Variants in EVA1A observed in about 807,000 individuals in gnomAD.
The protein encoded by EVA1A is eva-1 homolog A, regulator of programmed cell death.
Under a neutral mutation model 9.8 loss-of-function variants are expected in EVA1A, and 7 were observed. The ratio of observed to expected loss-of-function variants is 0.71; its 90% CI spans 0.41 to 1.34. The LOEUF is 1.34. EVA1A is among the 40% of genes most tolerant of loss of function. The pLI is 0.01. For synonymous variants in EVA1A, 90 were observed against 85.6 expected (o/e 1.05, Z -0.28); for missense variants, 206 against 205.9 (o/e 1.00, Z 0.00).
intron 3 of EVA1A, among the ~76,000 whole-genome samples, chr2:75,516,861 T>C (rs1675024243): frequency 6.6e-6 from 1 of 152,216 alleles, no homozygotes; most frequent in African/African-American, 2.4e-5. Context: ...TCTTGTGTCC[T>C]TTCTCTCCAA....
At chr2:75,521,106 A>G (rs1675214765) in intron 2 of EVA1A, among the ~76,000 whole-genome samples, 1 of 152,224 alleles carries the variant, frequency 6.6e-6, no homozygotes, top group South Asian at 2.1e-4. Context: ...ACATGAAAAG[A>G]TGCTCCACAT....
At chr2:75,512,918 T>G (rs1326429990) in intron 3 of EVA1A, among the ~76,000 whole-genome samples, 2 of 152,170 alleles carry the variant, frequency 1.3e-5, no homozygotes, top group Non-Finnish European at 2.9e-5. Flanking sequence ...ACTACTGATC[T>G]AAAGATTGAA....
At chr2:75,527,496 C>G (rs79234962) in intron 1 of EVA1A, among the ~76,000 whole-genome samples, 4 of 152,200 alleles carry the variant, frequency 2.6e-5, no homozygotes, top group African/African-American at 4.8e-5. Flanking sequence ...ACGAGCCCCA[C>G]ATCTGTGGAG....
intron 1 of EVA1A, among the ~76,000 whole-genome samples, chr2:75,537,469 T>C (rs1675953028): frequency 6.6e-6 from 1 of 152,144 alleles, no homozygotes; most frequent in African/African-American, 2.4e-5. Flanking sequence ...AACCATTACC[T>C]TGAGGCAAGA....
At chr2:75,546,432 T>A (rs1676331383) in intron 1 of EVA1A, among the ~76,000 whole-genome samples, 2 of 152,050 alleles carry the variant, frequency 1.3e-5, no homozygotes, top group South Asian at 4.2e-4. Flanking sequence ...TGAATGAAGA[T>A]GAGAGAACAC....
chr2:75,546,276 T>C (rs546277859), intron 1 of EVA1A, among the ~76,000 whole-genome samples: 3 of 152,246 alleles, frequency 2.0e-5, no homozygotes, highest in Non-Finnish European at 2.9e-5. Flanking sequence ...CAGGAACTAT[T>C]TTTTTCATCT....
intron 3 of EVA1A, 71 bp from the exon 4 acceptor site, chr2:75,493,680 C>A: frequency 7.1e-7 from 1 of 1,415,610 alleles, no homozygotes; most frequent in East Asian, 2.4e-5. Flanking sequence ...CAATATGACT[C>A]CAGCCTACAC....
At chr2:75,502,222 A>G (rs148937944) in intron 3 of EVA1A, among the ~76,000 whole-genome samples, 1 of 152,358 alleles carries the variant, frequency 6.6e-6, no homozygotes, top group Non-Finnish European at 1.5e-5. Context: ...CCACTAAGGC[A>G]GCAAACATAA....
At chr2:75,561,496 G>A (rs888289115), upstream of EVA1A, among the ~76,000 whole-genome samples, 10 of 151,906 alleles carry the variant, frequency 6.6e-5, no homozygotes, top group Non-Finnish European at 1.5e-4. Flanking sequence ...TTTCAGGGTT[G>A]GGGTTTTGTT....
At chr2:75,550,861 C>T (rs1165757221) in intron 1 of EVA1A, among the ~76,000 whole-genome samples, 3 of 152,194 alleles carry the variant, frequency 2.0e-5, no homozygotes, top group Non-Finnish European at 4.4e-5. Flanking sequence ...CGGTGGCTCA[C>T]GCCTGTAATC....
At chr2:75,501,950 C>G (rs1442342469) in intron 3 of EVA1A, among the ~76,000 whole-genome samples, 1 of 152,206 alleles carries the variant, frequency 6.6e-6, no homozygotes, top group Non-Finnish European at 1.5e-5. Context: ...CATCTTCCCT[C>G]AGTCCCCTCA....
At chr2:75,514,465 A>T (rs1674934698) in intron 3 of EVA1A, among the ~76,000 whole-genome samples, 1 of 152,222 alleles carries the variant, frequency 6.6e-6, no homozygotes, top group Admixed American at 6.5e-5. Flanking sequence ...TGTCTACTAT[A>T]TGTATGGTAT....
intron 1 of EVA1A, among the ~76,000 whole-genome samples, chr2:75,536,226 T>C (rs936308470): frequency 3.0e-4 from 46 of 152,128 alleles, no homozygotes; most frequent in Admixed American, 2.9e-3. Flanking sequence ...TCCCAGCTAC[T>C]CAGGAGGCTG....
intron 1 of EVA1A, among the ~76,000 whole-genome samples, chr2:75,558,069 T>C (rs1214976857): frequency 1.3e-5 from 2 of 152,252 alleles, no homozygotes; most frequent in Admixed American, 1.3e-4. Context: ...CTGGGCAAAG[T>C]GCTTAGCCTC....
chr2:75,493,136 C>T lies in EVA1A; in HGVS notation c.*100G>A. 1 of 1,471,772 alleles carries T rather than the reference C, an allele frequency of 6.8e-7. No individual in the cohort carries two copies. Among genetic ancestry groups the T allele is most frequent in the Non-Finnish European group, 9.1e-7 (1 of 1,098,050 alleles). The allele number at this position is 1,471,772 out of a possible 1,614,324, so 91.2% of individuals were successfully genotyped here. A position where few individuals can be genotyped will look rare whatever the true frequency, so the allele number is the denominator to read the frequency against. ...ATGTCCTGCTTTTTCTCTGAAATCA[C>T]AATATTAGCAGAGCTGGGTTCAGTT... On this transcript the variant is annotated 3_prime_UTR_variant, in exon 4 of 4. Transcript: ENST00000393913.
intron 3 of EVA1A, among the ~76,000 whole-genome samples, chr2:75,494,680 T>C (rs190973021): frequency 3.9e-5 from 6 of 152,272 alleles, no homozygotes; most frequent in South Asian, 2.1e-4. Flanking sequence ...GTGAGAAACC[T>C]TGAACCAAGG....
At chr2:75,540,538 C>G (rs904390577) in intron 1 of EVA1A, among the ~76,000 whole-genome samples, 3 of 152,152 alleles carry the variant, frequency 2.0e-5, no homozygotes, top group African/African-American at 7.2e-5. Context: ...AAATATTAAT[C>G]TCGGAAAAAG....
At chr2:75,554,501 T>A (rs886794948) in intron 1 of EVA1A, among the ~76,000 whole-genome samples, 1 of 152,164 alleles carries the variant, frequency 6.6e-6, no homozygotes, top group African/African-American at 2.4e-5. Flanking sequence ...AGCGGCCCAC[T>A]CTTTCACCTT....
intron 1 of EVA1A, among the ~76,000 whole-genome samples, chr2:75,537,840 A>G (rs1187115954): frequency 6.6e-6 from 1 of 152,174 alleles, no homozygotes; most frequent in Non-Finnish European, 1.5e-5. Flanking sequence ...GTCTTCCGCT[A>G]TGAGTAAAAG....
Sources: gnomAD v4.1 joint callset for allele counts (sites outside exome capture counted in the v4.1 genomes callset) on GRCh38, gnomAD v4.1.1 for gene constraint, MANE v1.5 for transcripts, NCBI Gene and HGNC (gene_info 2026-07-23, HGNC 2026-07-21) for gene names.